The following MSN variants were observed in gnomAD, a reference collection of about 807,000 sequenced individuals.
MSN encodes moesin, also known as epididymis luminal protein 70.
MSN carries 2 observed loss-of-function variants against 48.0 expected under a neutral mutation model. That is an observed-to-expected ratio of 0.04 (90% CI 0.02 to 0.13). MSN has a LOEUF of 0.13. Among genes scored for constraint, MSN ranks in the 10% least tolerant of loss-of-function variants. The probability of loss-of-function intolerance (pLI) is 1.00; values close to 1 mark genes in which losing one functional copy is unlikely to be tolerated. For synonymous variants in MSN, 146 were observed against 166.9 expected (o/e 0.87, Z 0.97); for missense variants, 267 against 470.1 (o/e 0.57, Z 3.99).
intron 1 of MSN, among the ~76,000 whole-genome samples, chrX:65,607,882 G>C (rs2070290641): frequency 8.9e-6 from 1 of 111,902 alleles, no homozygotes; most frequent in Non-Finnish European, 1.9e-5. Flanking sequence ...TTGCTACTCA[G>C]GAGGTTGAGG....
intron 1 of MSN, among the ~76,000 whole-genome samples, chrX:65,695,316 C>T (rs748781111): frequency 3.6e-5 from 4 of 109,861 alleles, no homozygotes; most frequent in Middle Eastern, 4.7e-3. Flanking sequence ...GCCTGATCAA[C>T]ATGGTGAAAC....
At chrX:65,617,816 T>A (rs1465934571) in intron 1 of MSN, among the ~76,000 whole-genome samples, 2 of 109,746 alleles carry the variant, frequency 1.8e-5, no homozygotes, top group South Asian at 8.0e-4. Context: ...CAATTTTGGA[T>A]CTTTCCTGCT....
intron 2 of MSN, among the ~76,000 whole-genome samples, chrX:65,723,222 T>C (rs921098427): frequency 7.1e-5 from 8 of 111,935 alleles, no homozygotes; most frequent in African/African-American, 2.3e-4. Context: ...TGTGGTTTAG[T>C]ATTCTAGAGC....
intron 1 of MSN, among the ~76,000 whole-genome samples, chrX:65,669,301 GTC>G (rs1293633112): frequency 9.0e-6 from 1 of 110,806 alleles, no homozygotes; most frequent in East Asian, 2.8e-4. Context: ...GGCTCTTTGG[GTC>G]TCTCTCTGTG....
chrX:65,703,749 A>G (rs2071332651), intron 1 of MSN, among the ~76,000 whole-genome samples: 1 of 111,066 alleles, frequency 9.0e-6, no homozygotes, highest in Non-Finnish European at 1.9e-5. Flanking sequence ...TAATTTTTGT[A>G]CTTTTTGTAG....
chrX:65,683,703 A>G (rs113899299), intron 1 of MSN, among the ~76,000 whole-genome samples: 2,576 of 110,942 alleles, frequency 0.023, 86 homozygotes, highest in African/African-American at 0.08. Context: ...ATATAAGGAA[A>G]GTTAACAGAC....
In MSN at chrX:65,597,881, A is replaced by G. The variant is rs376710704; in HGVS notation, c.-22+9269A>G. ...TAAGAACTTCTGGCTCAGATCATTT[A>G]GGAGATGAAGACACTTTGTAATCTG... On this transcript the variant is annotated intron_variant, in intron 1 of 3. Coordinates refer to the MSN transcript ENST00000609672. Among the ~76,000 whole-genome samples, 3 of 112,024 alleles carry G rather than the reference A, an allele frequency of 2.7e-5. No homozygotes were observed. In the East Asian group the frequency reaches 8.4e-4, roughly 31 times the overall value.
chrX:65,637,147 A>C (rs1407997324), intron 1 of MSN, among the ~76,000 whole-genome samples: 1 of 109,904 alleles, frequency 9.1e-6, no homozygotes, highest in Non-Finnish European at 1.9e-5. Context: ...TCATGCCTGT[A>C]ATCCCAGCAC....
At chrX:65,698,376 G>T (rs776574987) in intron 1 of MSN, among the ~76,000 whole-genome samples, 1 of 111,736 alleles carries the variant, frequency 8.9e-6, no homozygotes, top group East Asian at 2.8e-4. Context: ...CCCATGCCTT[G>T]TGATTCTTTA....
At position 65,719,909 on chromosome X, in the gene MSN, A is replaced by G. The variant is rs184728176; in HGVS notation, c.96+3008A>G. On this transcript the variant is annotated intron_variant, in intron 2 of 12. Transcript: ENST00000360270. ...GGTTTATTAACTTCAAAAAACCTCA[A>G]TGCCTGGTAGTTTTTTGTTAGTGTT... 1.0e-3 allele frequency among the ~76,000 whole-genome samples: 115 copies of G among 111,774 alleles called. 1 individual carries two copies. In the Admixed American group the frequency reaches 0.011, roughly 10 times the overall value.
At chrX:65,673,795 T>C (rs1026109999) in intron 1 of MSN, among the ~76,000 whole-genome samples, 4 of 111,863 alleles carry the variant, frequency 3.6e-5, no homozygotes, top group African/African-American at 1.3e-4. Flanking sequence ...AGCCTTTATC[T>C]TCTTGATGGG....
intron 2 of MSN, among the ~76,000 whole-genome samples, chrX:65,725,927 C>T (rs2071563578): frequency 8.9e-6 from 1 of 112,110 alleles, no homozygotes; most frequent in Admixed American, 9.4e-5. Flanking sequence ...TCATTGAAGC[C>T]ATACTCCCCA....
intron 1 of MSN, among the ~76,000 whole-genome samples, chrX:65,605,097 A>G (rs2148352428): frequency 8.9e-6 from 1 of 112,515 alleles, no homozygotes; most frequent in Admixed American, 9.4e-5. Flanking sequence ...ATAAATTACC[A>G]TTTGATAATT....
intron 1 of MSN, among the ~76,000 whole-genome samples, chrX:65,711,741 T>C (rs1194739059): frequency 9.0e-6 from 1 of 111,479 alleles, no homozygotes; most frequent in African/African-American, 3.3e-5. Context: ...TAAGAAGGGG[T>C]CCATAGGCTT....
At chrX:65,715,475 A>C (rs2071454648) in intron 1 of MSN, among the ~76,000 whole-genome samples, 2 of 111,480 alleles carry the variant, frequency 1.8e-5, no homozygotes, top group Admixed American at 1.9e-4. Flanking sequence ...CTGTTTCTCC[A>C]TTTGTTTGTG....
chrX:65,713,506 C>T (rs1396712106), intron 1 of MSN, among the ~76,000 whole-genome samples: 2 of 112,121 alleles, frequency 1.8e-5, no homozygotes, highest in African/African-American at 6.5e-5. Flanking sequence ...CCCTCCATCC[C>T]ATTCCTGCCT....
At chrX:65,696,560 C>T (rs1026523851) in intron 1 of MSN, among the ~76,000 whole-genome samples, 3 of 110,690 alleles carry the variant, frequency 2.7e-5, no homozygotes, top group Non-Finnish European at 5.7e-5. Flanking sequence ...ACATTCGGGG[C>T]TGGGGGTAGG....
At chrX:65,594,205 GA>G (rs1417384081) in intron 1 of MSN, among the ~76,000 whole-genome samples, 1 of 111,877 alleles carries the variant, frequency 8.9e-6, no homozygotes, top group African/African-American at 3.3e-5. Flanking sequence ...TTAGAGTTGG[GA>G]AAAAATGAAG....
intron 1 of MSN, among the ~76,000 whole-genome samples, chrX:65,620,316 GC>G (rs1569454908): frequency 8.9e-6 from 1 of 112,554 alleles, no homozygotes; most frequent in African/African-American, 3.2e-5. Flanking sequence ...CCTCGCTGCC[GC>G]CCCGCAGCTC....
Sources: gnomAD v4.1 joint callset for allele counts (sites outside exome capture counted in the v4.1 genomes callset) on GRCh38, gnomAD v4.1.1 for gene constraint, MANE v1.5 for transcripts, NCBI Gene and HGNC (gene_info 2026-07-23, HGNC 2026-07-21) for gene names.